The following RAB28 variants were observed in gnomAD, a reference collection of about 807,000 sequenced individuals.
RAB28 encodes the protein ras-related protein Rab-28.
A neutral mutation model predicts 31.7 loss-of-function variants in RAB28; 24 were observed. That is an observed-to-expected ratio of 0.76 (90% CI 0.55 to 1.06). The LOEUF is 1.06. RAB28 is among the 50% of genes least tolerant of loss of function. The probability of loss-of-function intolerance (pLI) is 0.00; values close to 1 mark genes in which losing one functional copy is unlikely to be tolerated. For missense variants in RAB28, 254 were observed against 258.5 expected (o/e 0.98, Z 0.12); for synonymous variants, 100 against 90.4 (o/e 1.11, Z -0.60).
chr4:13,434,562 A>G (rs913598141), intron 4 of RAB28, among the ~76,000 whole-genome samples: 1 of 152,220 alleles, frequency 6.6e-6, no homozygotes, highest in African/African-American at 2.4e-5. Context: ...CTCTTGGCAT[A>G]GTCTATAGAC....
chr4:13,400,512 AGTTTTATTTCTTCCTTTTCAATTTGTAT>A (rs1201605280), intron 4 of RAB28, among the ~76,000 whole-genome samples: 1 of 151,978 alleles, frequency 6.6e-6, no homozygotes, highest in Non-Finnish European at 1.5e-5. Flanking sequence ...AGAATTTTGT[AGTTTTATTTCTTCCTTTTCAATTTGTAT>A]GTTTTATATA....
chr4:13,460,037 T>C (rs765023767), intron 4 of RAB28: 3 of 534,764 alleles, frequency 5.6e-6, no homozygotes, highest in Non-Finnish European at 9.3e-6. Context: ...ATTGAAAAGA[T>C]TGTACACACT....
chr4:13,377,570 C>T (rs1316856372), intron 5 of RAB28, among the ~76,000 whole-genome samples: 1 of 152,062 alleles, frequency 6.6e-6, no homozygotes, highest in Non-Finnish European at 1.5e-5. Flanking sequence ...GAAGGGAGTA[C>T]AAACCATGTA....
Position 13,381,491 on chromosome 4 carries a change from A to C in RAB28, c.495T>G (p.Ser165=). The change falls in exon 5 of 7, where the codon TCT becomes TCG. Residue 165 remains serine, a splice_region_variant and synonymous_variant. Transcript: ENST00000330852. ...SHFVSAKTGD[S]VFLCFQKVAA... is the part of the protein sequence containing the mutation. The stretch of plus-strand genomic sequence containing the variant: ...ATACAGTATTCATTATTTTACTTAC[A>C]GAGTCTCCTGTCTTGGCTGAGACAA... 1 of 1,594,658 alleles carries C rather than the reference A, an allele frequency of 6.3e-7. No individual in the cohort carries two copies. Among genetic ancestry groups the C allele is most frequent in the Non-Finnish European group, 8.6e-7 (1 of 1,163,448 alleles).
intron 3 of RAB28, 98 bp downstream of exon 3, chr4:13,474,220 G>C (rs979451258): frequency 1.2e-5 from 10 of 857,168 alleles, no homozygotes; most frequent in Middle Eastern, 2.2e-4. Context: ...TAAAAAGTTA[G>C]AAAGAATGTG....
intron 4 of RAB28, among the ~76,000 whole-genome samples, chr4:13,445,997 T>C (rs1577222367): frequency 6.6e-6 from 1 of 152,238 alleles, no homozygotes; most frequent in East Asian, 1.9e-4. Flanking sequence ...AGGTGCTCTA[T>C]CCAAGGGAGA....
chr4:13,415,271 G>A (rs922719453), intron 4 of RAB28, among the ~76,000 whole-genome samples: 5 of 152,162 alleles, frequency 3.3e-5, no homozygotes, highest in African/African-American at 7.2e-5. Context: ...GCTCACTCTC[G>A]GGGCCTCTCT....
At chr4:13,473,070 T>G (rs1716193092) in intron 3 of RAB28, among the ~76,000 whole-genome samples, 1 of 151,950 alleles carries the variant, frequency 6.6e-6, no homozygotes, top group Admixed American at 6.6e-5. Flanking sequence ...TATAAGTGAT[T>G]CAGAACCATA....
chr4:13,452,101 T>C (rs1715002091), intron 4 of RAB28, among the ~76,000 whole-genome samples: 1 of 151,962 alleles, frequency 6.6e-6, no homozygotes, highest in South Asian at 2.1e-4. Context: ...TCTCTAATGA[T>C]CCTTTTTGGT....
At chr4:13,390,815 TA>T (rs1358245248) in intron 4 of RAB28, among the ~76,000 whole-genome samples, 1 of 152,212 alleles carries the variant, frequency 6.6e-6, no homozygotes, top group African/African-American at 2.4e-5. Context: ...AAGGATTCCC[TA>T]TTTAATAAAT....
At chr4:13,482,994 TG>T (rs562196875) in intron 1 of RAB28, among the ~76,000 whole-genome samples, 328 of 152,216 alleles carry the variant, frequency 2.2e-3, no homozygotes, top group South Asian at 5.0e-3. Flanking sequence ...AATAAAAGCC[TG>T]GGTTTCTTTA....
rs73817423 is a variant in RAB28 at position 13,481,647 on chromosome 4, C to T, written c.76-2121G>A. Among the ~76,000 whole-genome samples, 265 of 151,830 alleles carry T rather than the reference C, an allele frequency of 1.7e-3. 3 individuals carry two copies. Among genetic ancestry groups the T allele is most frequent in the African/African-American group, 6.0e-3 (248 of 41,430 alleles). ...AAAAAGAATATTTTGCCTCAAAAAGCTCTTAAGAGACTATGTAATAAAAGA... is the reference window on the plus strand; with the variant it reads ...AAAAAGAATATTTTGCCTCAAAAAGTTCTTAAGAGACTATGTAATAAAAGA... On this transcript the variant is annotated intron_variant, in intron 1 of 6. Transcript: ENST00000330852.
chr4:13,450,250 T>C (rs1714893475), intron 4 of RAB28, among the ~76,000 whole-genome samples: 1 of 151,822 alleles, frequency 6.6e-6, no homozygotes, highest in Non-Finnish European at 1.5e-5. Context: ...CAAGTTAGGA[T>C]TTAAGAAGCA....
chr4:13,383,989 C>T (rs1369208402), intron 4 of RAB28, among the ~76,000 whole-genome samples: 1 of 152,184 alleles, frequency 6.6e-6, no homozygotes, highest in Non-Finnish European at 1.5e-5. Context: ...CCACATTATA[C>T]CTCTGCACTG....
intron 4 of RAB28, among the ~76,000 whole-genome samples, chr4:13,457,221 C>T (rs1233838836): frequency 2.0e-5 from 3 of 152,114 alleles, no homozygotes; most frequent in Non-Finnish European, 4.4e-5. Flanking sequence ...TCTTGCTTTG[C>T]CTTTAACCAG....
At position 13,411,561 on chromosome 4, in the gene RAB28, C is replaced by T. The variant is rs142113489; in HGVS notation, c.392-29967G>A. ...TACTTGTGTTATTTTGGCTGAAGGC[C>T]ATAGACACTGATTGTTTATGTTGCT... On this transcript the variant is annotated intron_variant, in intron 4 of 6. Coordinates refer to ENST00000330852, the MANE Select transcript of RAB28 (RefSeq NM_001017979.3). 4.6e-3 allele frequency among the ~76,000 whole-genome samples: 698 copies of T among 152,136 alleles called. 6 individuals are homozygous for T. Among genetic ancestry groups the T allele is most frequent in the African/African-American group, 0.016 (665 of 41,514 alleles).
At chr4:13,404,929 C>CTT (rs76156995) in intron 4 of RAB28, among the ~76,000 whole-genome samples, 22 of 134,174 alleles carry the variant, frequency 1.6e-4, no homozygotes, top group African/African-American at 5.9e-4. Flanking sequence ...TCACTCTGTA[C>CTT]TTTTTTTTTT....
intron 1 of RAB28, 115 bp from the exon 2 acceptor site, chr4:13,479,641 A>C: frequency 1.4e-6 from 1 of 704,270 alleles, no homozygotes; most frequent in Non-Finnish European, 2.3e-6. Context: ...CCAACAAGCA[A>C]ATTTAAGCAG....
intron 4 of RAB28, among the ~76,000 whole-genome samples, chr4:13,415,440 G>A (rs1712706542): frequency 6.6e-6 from 1 of 152,168 alleles, no homozygotes; most frequent in Non-Finnish European, 1.5e-5. Flanking sequence ...GGTGCTTGCA[G>A]GCCAGTGCAA....
Sources: allele counts gnomAD v4.1 joint callset (sites outside exome capture counted in the v4.1 genomes callset), GRCh38; gene constraint gnomAD v4.1.1; transcripts MANE v1.5; gene names NCBI Gene and HGNC (gene_info 2026-07-23, HGNC 2026-07-21).